The following RSRC2 variants were observed in gnomAD, a reference collection of about 807,000 sequenced individuals.
RSRC2 encodes the protein arginine/serine-rich coiled-coil protein 2.
In RSRC2, 5 loss-of-function variants were observed where a neutral mutation model predicts 61.3. The observed-to-expected ratio is 0.08, with a 90% CI of 0.04 to 0.17. The LOEUF is 0.17. RSRC2 is among the 10% of genes least tolerant of loss of function. The pLI is 1.00. For missense variants in RSRC2, 381 were observed against 518.8 expected, an observed-to-expected ratio of 0.73 and a Z score of 2.58; for synonymous variants, 202 against 166.5, an observed-to-expected ratio of 1.21 and a Z score of -1.64.
At chr12:122,525,611 T>C (rs994653265) in intron 1 of RSRC2, among the ~76,000 whole-genome samples, 2 of 152,096 alleles carry the variant, frequency 1.3e-5, no homozygotes, top group East Asian at 3.8e-4. Flanking sequence ...ATAATTATTA[T>C]CGAAAATGAT....
intron 6 of RSRC2, 53 bp downstream of exon 6, chr12:122,515,052 T>C: frequency 6.3e-7 from 1 of 1,575,208 alleles, no homozygotes; most frequent in South Asian, 1.1e-5. Context: ...TCCACACAAT[T>C]GAGCATTTAT....
chr12:122,525,239 G>A (rs1479458347), intron 1 of RSRC2, among the ~76,000 whole-genome samples: 3 of 152,034 alleles, frequency 2.0e-5, no homozygotes, highest in Non-Finnish European at 2.9e-5. Context: ...AGCCGGGTGT[G>A]GTGGTGGGCG....
intron 7 of RSRC2, 24 bp from the exon 8 acceptor site, chr12:122,508,471 G>T: frequency 6.4e-7 from 1 of 1,560,570 alleles, no homozygotes; most frequent in Non-Finnish European, 8.8e-7. Context: ...ATACAAAAAT[G>T]GATTTTAAAA....
chr12:122,516,885 G>GT (rs1453959847), intron 5 of RSRC2, among the ~76,000 whole-genome samples: 5 of 152,054 alleles, frequency 3.3e-5, no homozygotes, highest in African/African-American at 1.2e-4. Flanking sequence ...TAGACATGGG[G>GT]TTTCACCATA....
At chr12:122,522,926 T>C (rs541982106) in intron 1 of RSRC2, 2 of 152,356 alleles carry the variant, frequency 1.3e-5, no homozygotes, top group South Asian at 2.1e-4. Flanking sequence ...CATTAAGTTG[T>C]TTCTGCTTTA....
chr12:122,526,702 G>A (rs1015777279), intron 1 of RSRC2, 146 bp downstream of exon 1: 7 of 895,388 alleles, frequency 7.8e-6, no homozygotes, highest in African/African-American at 1.7e-5. Context: ...CCTACAGCAG[G>A]CAGCCATGAT....
chr12:122,525,804 T>TAAA lies in RSRC2; in HGVS notation c.6+1043_6+1044insTTT, dbSNP rs1593439382. On this transcript the variant is annotated intron_variant, in intron 1 of 9. Coordinates refer to ENST00000331738, the MANE Select transcript of RSRC2 (RefSeq NM_023012.6). ...GCTCCTCTGGGGTCAACGAAGAGTT[T>TAAA]TTTTTTTTTTTTTTTTTTTTTTTTT... Among the ~76,000 whole-genome samples the TAAA allele has an allele frequency of 1.5e-3, 71 of 48,260 alleles. 5 individuals carry two copies. Among genetic ancestry groups the TAAA allele is most frequent in the Middle Eastern group, 0.021 (2 of 94 alleles). 31.7% of individuals were successfully genotyped at this position (48,260 alleles called of 152,430 possible). A position where few individuals can be genotyped will look rare whatever the true frequency, so the allele number is the denominator to read the frequency against.
At position 122,505,087 on chromosome 12, in the gene RSRC2, C is replaced by T. The variant is rs3741448; in HGVS notation, c.*440G>A. 3.1e-3 allele frequency: 481 copies of T among 153,534 alleles called. 3 individuals carry two copies. The East Asian group carries it at 0.032, about 10-fold the overall frequency. The allele number at this position is 153,534 out of a possible 1,614,324, so 9.5% of individuals were successfully genotyped here. On this transcript the variant is annotated 3_prime_UTR_variant, in exon 10 of 10. Transcript: ENST00000331738. ...AAAACCATTTTTATTATCATTACCA[C>T]CCAGCTTATCTGTGCTGGATTATGT...
chr12:122,525,769 A>G (rs1960118582), intron 1 of RSRC2, among the ~76,000 whole-genome samples: 1 of 150,090 alleles, frequency 6.7e-6, no homozygotes, highest in Non-Finnish European at 1.5e-5. Flanking sequence ...TAGATAATTT[A>G]CGAACTGTAG....
intron 4 of RSRC2, among the ~76,000 whole-genome samples, chr12:122,518,230 C>A (rs1433830736): frequency 1.3e-5 from 2 of 151,844 alleles, no homozygotes; most frequent in Non-Finnish European, 2.9e-5. Context: ...CCCTGGAGGA[C>A]AAGAGGCTGC....
chr12:122,515,287 A>G, intron 5 of RSRC2, 60 bp from the exon 6 acceptor site: 2 of 1,542,188 alleles, frequency 1.3e-6, no homozygotes, highest in Non-Finnish European at 1.8e-6. Flanking sequence ...TTTTGTTAAT[A>G]AGAAATCAAT....
chr12:122,505,969 G>A (rs1958090303), intron 9 of RSRC2, among the ~76,000 whole-genome samples: 1 of 152,004 alleles, frequency 6.6e-6, no homozygotes, highest in East Asian at 2.0e-4. Flanking sequence ...AGTAGAGACG[G>A]GGTTTCACCA....
intron 6 of RSRC2, among the ~76,000 whole-genome samples, chr12:122,514,372 C>T (rs1339721186): frequency 6.6e-5 from 10 of 150,400 alleles, no homozygotes; most frequent in Admixed American, 4.0e-4. Context: ...TCAAGCGATT[C>T]TCGTGCCTCA....
At chr12:122,526,694 T>C (rs1463730300) in intron 1 of RSRC2, among the ~76,000 whole-genome samples, 154 bp downstream of exon 1, 1 of 147,296 alleles carries the variant, frequency 6.8e-6, no homozygotes, top group Non-Finnish European at 1.5e-5. Flanking sequence ...TCCCCCTCCC[T>C]ACAGCAGGCA....
At chr12:122,514,469 T>C (rs908265852) in intron 6 of RSRC2, 16 of 353,410 alleles carry the variant, frequency 4.5e-5, no homozygotes, top group Non-Finnish European at 6.3e-5. Context: ...TTCACCATGT[T>C]GGCCAGGCTG....
chr12:122,514,814 A>G, intron 6 of RSRC2: 1 of 787,582 alleles, frequency 1.3e-6, no homozygotes, highest in Non-Finnish European at 1.7e-6. Context: ...TAAGACTCAA[A>G]AAAAAAAAGT....
At chr12:122,520,781 C>G (rs1029442954) in intron 3 of RSRC2, 2 of 337,196 alleles carry the variant, frequency 5.9e-6, no homozygotes. Context: ...TCTACACTTC[C>G]TTATTGGCTC....
At chr12:122,515,268 T>G (rs769132756) in intron 5 of RSRC2, 41 bp from the exon 6 acceptor site, 2 of 1,583,712 alleles carry the variant, frequency 1.3e-6, no homozygotes, top group Non-Finnish European at 1.7e-6. Context: ...TATGGCCAAG[T>G]CATAACTATT....
chr12:122,525,474 A>G (rs1172621263), intron 1 of RSRC2, among the ~76,000 whole-genome samples: 1 of 152,176 alleles, frequency 6.6e-6, no homozygotes, highest in Non-Finnish European at 1.5e-5. Flanking sequence ...AGTAAAAGAA[A>G]CGGGTTTAAA....
Sources: gnomAD v4.1 joint callset for allele counts (sites outside exome capture counted in the v4.1 genomes callset) on GRCh38, gnomAD v4.1.1 for gene constraint, MANE v1.5 for transcripts, NCBI Gene and HGNC (gene_info 2026-07-23, HGNC 2026-07-21) for gene names.